Variants in DENND4A observed in about 807,000 individuals in gnomAD.
The protein encoded by DENND4A is DENN domain containing 4A, also known as C-myc promoter-binding protein.
Under a neutral mutation model 199.3 loss-of-function variants are expected in DENND4A, and 70 were observed. The observed-to-expected ratio is 0.35, with a 90% CI of 0.29 to 0.43. The LOEUF (loss-of-function observed/expected upper bound fraction) is 0.43. Ranked by LOEUF, DENND4A falls within the 20% of genes least tolerant of loss-of-function variation. DENND4A has a pLI of 1.00. For missense variants in DENND4A, 1,723 were observed against 2,255.8 expected, an observed-to-expected ratio of 0.76 and a Z score of 4.78; for synonymous variants, 686 against 766.9, an observed-to-expected ratio of 0.89 and a Z score of 1.74.
chr15:65,736,308 G>C (rs958769825), intron 7 of DENND4A, among the ~76,000 whole-genome samples: 4 of 151,938 alleles, frequency 2.6e-5, no homozygotes, highest in African/African-American at 9.7e-5. Context: ...GCCCATACTG[G>C]AGTGCAGTGG....
chr15:65,664,256 T>C, intron 32 of DENND4A, 74 bp downstream of exon 32: 1 of 828,892 alleles, frequency 1.2e-6, no homozygotes, highest in South Asian at 1.8e-5. Context: ...AAAGTATAAC[T>C]ACTAATATAA....
chr15:65,735,565 A>G (rs1330707977), intron 7 of DENND4A, among the ~76,000 whole-genome samples: 2 of 152,212 alleles, frequency 1.3e-5, no homozygotes, highest in Non-Finnish European at 2.9e-5. Flanking sequence ...TTACTACTAT[A>G]TAATTGCAGT....
At chr15:65,675,500 A>G (rs540458615) in intron 24 of DENND4A, among the ~76,000 whole-genome samples, 4 of 152,022 alleles carry the variant, frequency 2.6e-5, no homozygotes, top group Non-Finnish European at 4.4e-5. Flanking sequence ...TAGATAAACT[A>G]CTTGCAACTT....
chr15:65,786,362 G>A (rs1369687172), intron 1 of DENND4A, among the ~76,000 whole-genome samples: 1 of 152,118 alleles, frequency 6.6e-6, no homozygotes, highest in African/African-American at 2.4e-5. Context: ...ATTAACAGCT[G>A]CTTAAACTTA....
intron 23 of DENND4A, among the ~76,000 whole-genome samples, chr15:65,679,820 C>G (rs2076509924): frequency 6.6e-6 from 1 of 151,916 alleles, no homozygotes; most frequent in African/African-American, 2.4e-5. Flanking sequence ...CTTTAGAGTG[C>G]CTGGATGGGT....
chr15:65,668,349 C>T (rs776119744), intron 27 of DENND4A, among the ~76,000 whole-genome samples: 4 of 151,922 alleles, frequency 2.6e-5, no homozygotes, highest in Non-Finnish European at 4.4e-5. Context: ...GCTGGGACTA[C>T]GGGCACACGC....
Position 65,788,239 on chromosome 15 carries a change from G to A in DENND4A, c.-102+3771C>T, listed in dbSNP as rs572434882. Among the ~76,000 whole-genome samples, 94 of 152,078 alleles carry A rather than the reference G, an allele frequency of 6.2e-4. 2 individuals carry two copies. The South Asian group carries it at 0.018, about 30-fold the overall frequency. The stretch of plus-strand genomic sequence containing the variant: ...CTACAGGCGCCTGCCACCACGCCCG[G>A]CTAATTTTTTGTATTTTAGTAGAGA... On this transcript the variant is annotated intron_variant, in intron 1 of 32. Coordinates refer to ENST00000443035, the MANE Select transcript of DENND4A (RefSeq NM_001320835.1).
At chr15:65,703,058 T>A (rs746657118) in intron 15 of DENND4A, 50 bp from the exon 16 acceptor site, 1 of 1,535,442 alleles carries the variant, frequency 6.5e-7, no homozygotes, top group Non-Finnish European at 8.9e-7. Flanking sequence ...CAAGCACACA[T>A]AGATGATCAT....
chr15:65,736,096 T>G (rs2076107569), intron 7 of DENND4A, among the ~76,000 whole-genome samples: 1 of 152,186 alleles, frequency 6.6e-6, no homozygotes, highest in Non-Finnish European at 1.5e-5. Context: ...GGGGTGATAT[T>G]AACAAATGTG....
chr15:65,759,433 G>A lies in DENND4A; in HGVS notation c.-23+1927C>T, dbSNP rs550559241. The stretch of plus-strand genomic sequence containing the variant: ...GCGGAGGTTGCAGTGAGACAAGATC[G>A]CGCCACTGCACTCCAGCCTGGGCGA... On this transcript the variant is annotated intron_variant, in intron 2 of 32. Transcript: ENST00000443035. 1.3e-4 allele frequency among the ~76,000 whole-genome samples: 20 copies of A among 151,952 alleles called. No homozygotes were observed. In the South Asian group the frequency reaches 4.0e-3, roughly 30 times the overall value.
rs1056950158 is a variant in DENND4A, at chr15:65,738,855, G to C, written c.652C>G (p.Gln218Glu). The C allele has an allele frequency of 6.3e-7, 1 of 1,597,268 alleles. No homozygotes were observed. The highest frequency in any genetic ancestry group is 8.5e-7 in the Non-Finnish European group (1 of 1,173,010). Reference sequence around the variant, plus strand: ...AGTGAGAATGACTCATAATCTTCTTGAGGATATCTACAAATTAGGCCTATA... The same window carrying C: ...AGTGAGAATGACTCATAATCTTCTTCAGGATATCTACAAATTAGGCCTATA... ...YKAGLICRYP[Q>E]EDYESFSLPE... Residue 218 changes from glutamine (Q) to glutamate (E), a missense_variant, in exon 6 of 33, where the codon CAA (glutamine) becomes GAA (glutamate). By Grantham distance (29) the Gln-to-Glu change is conservative. Around this residue, in one of 6 missense-constraint regions of DENND4A, gnomAD observed 725 missense variants for 952.9 expected, o/e 0.76. Transcript: ENST00000443035.
intron 27 of DENND4A, 89 bp downstream of exon 27, chr15:65,669,690 T>A (rs1185329760): frequency 1.7e-6 from 2 of 1,156,074 alleles, no homozygotes; most frequent in East Asian, 5.2e-5. Flanking sequence ...CATTTAAACC[T>A]GGAAATGGTC....
At chr15:65,711,147 C>G (rs1480975981) in intron 14 of DENND4A, among the ~76,000 whole-genome samples, 1 of 152,166 alleles carries the variant, frequency 6.6e-6, no homozygotes. Flanking sequence ...AAAACAAGTT[C>G]TTGGTATAAT....
At chr15:65,666,251 A>G (rs1032260132) in intron 29 of DENND4A, among the ~76,000 whole-genome samples, 1 of 152,184 alleles carries the variant, frequency 6.6e-6, no homozygotes, top group Non-Finnish European at 1.5e-5. Context: ...CTAATAATAA[A>G]ATAGAACAAT....
intron 12 of DENND4A, among the ~76,000 whole-genome samples, chr15:65,718,580 G>T (rs932300393): frequency 2.0e-5 from 3 of 151,708 alleles, no homozygotes; most frequent in Non-Finnish European, 2.9e-5. Flanking sequence ...CCTGACATAC[G>T]AATAAGGAGA....
intron 8 of DENND4A, 77 bp downstream of exon 8, chr15:65,732,675 T>C (rs1275525351): frequency 2.3e-6 from 2 of 851,684 alleles, no homozygotes; most frequent in East Asian, 2.6e-5. Context: ...TCATTCAGAA[T>C]TGTTATTCTT....
intron 11 of DENND4A, 67 bp from the exon 12 acceptor site, chr15:65,723,015 G>T: frequency 8.5e-7 from 1 of 1,171,356 alleles, no homozygotes; most frequent in Non-Finnish European, 1.2e-6. Context: ...GTATATATCT[G>T]TTATATATAA....
At chr15:65,719,404 C>A (rs918304295) in intron 12 of DENND4A, 10 of 150,230 alleles carry the variant, frequency 6.7e-5, no homozygotes, top group Non-Finnish European at 1.0e-4. Context: ...TCTTCCTGGA[C>A]AATTCAATGC....
At chr15:65,711,673 G>C (rs1379099820) in intron 14 of DENND4A, among the ~76,000 whole-genome samples, 1 of 152,128 alleles carries the variant, frequency 6.6e-6, no homozygotes, top group Non-Finnish European at 1.5e-5. Flanking sequence ...GGAACTCATG[G>C]TTACATGGAA....
Sources: gnomAD v4.1 joint callset for allele counts (sites outside exome capture counted in the v4.1 genomes callset) on GRCh38, gnomAD v4.1.1 for gene constraint, gnomAD v4.1.1 regional missense constraint, MANE v1.5 for transcripts, NCBI Gene and HGNC (gene_info 2026-07-23, HGNC 2026-07-21) for gene names.